The following LDAF1 variants were observed in gnomAD, a reference collection of about 807,000 sequenced individuals.
The protein encoded by LDAF1 is PROMETHIN.
A neutral mutation model predicts 13.5 loss-of-function variants in LDAF1; 7 were observed. That is an observed-to-expected ratio of 0.52 (90% CI 0.29 to 0.97). The LOEUF is 0.97. Ranked by LOEUF, LDAF1 falls within the 50% of genes least tolerant of loss-of-function variation. LDAF1 has a pLI of 0.07. For missense variants in LDAF1, 148 were observed against 193.2 expected (o/e 0.77, Z 1.39); for synonymous variants, 69 against 77.1 (o/e 0.89, Z 0.55).
intron 4 of LDAF1, among the ~76,000 whole-genome samples, chr16:21,176,462 G>A (rs1481640310): frequency 6.6e-6 from 1 of 152,110 alleles, no homozygotes; most frequent in African/African-American, 2.4e-5. Context: ...AGGCAACATG[G>A]CAAGACCACA....
chr16:21,167,665 T>C (rs907376626), intron 2 of LDAF1, among the ~76,000 whole-genome samples: 11 of 144,172 alleles, frequency 7.6e-5, no homozygotes, highest in African/African-American at 2.8e-4. Flanking sequence ...GTTGCAAGCA[T>C]TGGACATTCT....
rs570041987 is a variant in LDAF1 at position 21,160,653 on chromosome 16, A to G, written c.-98-432A>G. Among the ~76,000 whole-genome samples the G allele has an allele frequency of 3.9e-5, 6 of 152,370 alleles. No individual in the cohort carries two copies. In the South Asian group the frequency reaches 1.2e-3, roughly 32 times the overall value. ...TTTCAGCATTTTGTCAAGCTAAAAA[A>G]TAAACATAAGCTGTCAGAGATAATA... On this transcript the variant is annotated intron_variant, in intron 1 of 4. Transcript: ENST00000233047.
chr16:21,166,235 T>TA (rs990346774), intron 2 of LDAF1, among the ~76,000 whole-genome samples: 2 of 152,248 alleles, frequency 1.3e-5, no homozygotes, highest in Non-Finnish European at 2.9e-5. Flanking sequence ...ACAGGTAATA[T>TA]AAAAAAGTAT....
At chr16:21,165,481 T>G in intron 2 of LDAF1, 2 of 580,450 alleles carry the variant, frequency 3.4e-6, no homozygotes, top group Non-Finnish European at 4.3e-6. Context: ...CCTGTTTCCT[T>G]TTATATCCCT....
chr16:21,174,186 C>T (rs778195256), intron 4 of LDAF1, 38 bp downstream of exon 4: 2 of 1,577,192 alleles, frequency 1.3e-6, no homozygotes, highest in East Asian at 2.3e-5. Flanking sequence ...TTTTTTTAAT[C>T]TTTCTACTTT....
At chr16:21,169,944 G>A (rs1052108992) in intron 2 of LDAF1, among the ~76,000 whole-genome samples, 1 of 146,244 alleles carries the variant, frequency 6.8e-6, no homozygotes, top group South Asian at 2.2e-4. Flanking sequence ...ACGGAGTTTC[G>A]CTCTTGTTAT....
At chr16:21,166,983 G>A (rs1256897925) in intron 2 of LDAF1, 1 of 1,426,990 alleles carries the variant, frequency 7.0e-7, no homozygotes. Context: ...TTGTCAGAAT[G>A]GTGGGGTAGC....
At position 21,180,062 on chromosome 16, in the gene LDAF1, T is replaced by G. The variant is rs373993707; in HGVS notation, c.*506T>G. On this transcript the variant is annotated 3_prime_UTR_variant, in exon 5 of 5. Coordinates refer to ENST00000233047, the MANE Select transcript of LDAF1 (RefSeq NM_001301771.2). ...CATTTGGCCTCTCCAAGTTGGAAAA[T>G]AGAGTCCAAATGTAACTTTGTGGCC... is the stretch of plus-strand genomic sequence containing the variant. 5.2e-4 allele frequency: 82 copies of G among 156,464 alleles called. 3 individuals carry two copies. In the South Asian group the frequency reaches 0.016, roughly 30 times the overall value. The allele number at this position is 156,464 out of a possible 1,614,324, so 9.7% of individuals were successfully genotyped here.
At chr16:21,170,415 G>A in intron 2 of LDAF1, 22 bp from the exon 3 acceptor site, 1 of 1,613,256 alleles carries the variant, frequency 6.2e-7, no homozygotes, top group Non-Finnish European at 8.5e-7. Flanking sequence ...CTTATCCCTG[G>A]CTCTTTGTCC....
intron 1 of LDAF1, chr16:21,159,200 CAG>C (rs971627888): frequency 1.1e-6 from 1 of 950,830 alleles, no homozygotes; most frequent in Non-Finnish European, 1.7e-6. Flanking sequence ...CCCATCGCTG[CAG>C]AGAGATCTGC....
In LDAF1 at chr16:21,174,249, G is replaced by A. The variant is rs2093119079; in HGVS notation, c.404+101G>A. 7 of 1,136,694 alleles carry A rather than the reference G, an allele frequency of 6.2e-6. No individual in the cohort carries two copies. The South Asian group carries it at 1.2e-4, about 19-fold the overall frequency. 70.4% of individuals were successfully genotyped at this position (1,136,694 alleles called of 1,614,324 possible). A position where few individuals can be genotyped will look rare whatever the true frequency, so the allele number is the denominator to read the frequency against. ...CTGTCACTCAGGCTGGAGTGCAGTG[G>A]CATGAACATAGCTCGCTACAGCCTC... On this transcript the variant is annotated intron_variant, in intron 4 of 4. Transcript: ENST00000233047.
chr16:21,160,852 A>T (rs2092965345), intron 1 of LDAF1: 1 of 263,498 alleles, frequency 3.8e-6, no homozygotes, highest in African/African-American at 2.2e-5. Context: ...TGTTATAAAC[A>T]GGGATGCAAT....
At chr16:21,179,344 T>C (rs971206235) in intron 4 of LDAF1, 131 bp from the exon 5 acceptor site, 14 of 1,563,284 alleles carry the variant, frequency 9.0e-6, no homozygotes, top group Non-Finnish European at 1.0e-5. Flanking sequence ...ATAATGGACA[T>C]AGGCCTGGTG....
At chr16:21,176,513 C>G (rs551874496) in intron 4 of LDAF1, among the ~76,000 whole-genome samples, 2 of 152,014 alleles carry the variant, frequency 1.3e-5, no homozygotes, top group Non-Finnish European at 2.9e-5. Flanking sequence ...TGTGGTGGTG[C>G]GTGCCTGTAG....
chr16:21,169,304 CT>C (rs956413122), intron 2 of LDAF1: 78 of 274,060 alleles, frequency 2.8e-4, no homozygotes, highest in Non-Finnish European at 3.7e-4. Context: ...TCTGCATTTC[CT>C]TTTTTTTTCC....
At chr16:21,175,957 C>G (rs536646654) in intron 4 of LDAF1, among the ~76,000 whole-genome samples, 1 of 152,110 alleles carries the variant, frequency 6.6e-6, no homozygotes, top group Non-Finnish European at 1.5e-5. Flanking sequence ...GTTGCCCAGG[C>G]CATTCTCAAA....
intron 1 of LDAF1, chr16:21,159,339 C>T (rs377138172): frequency 8.7e-6 from 14 of 1,613,976 alleles, no homozygotes; most frequent in Non-Finnish European, 1.2e-5. Flanking sequence ...ATTTCACTCC[C>T]TTCCTCCTCT....
rs946657797 is a variant in LDAF1, at chr16:21,168,573, TATA to T, written c.97-1860_97-1858del. On this transcript the variant is annotated intron_variant, in intron 2 of 4. Coordinates refer to ENST00000233047, the MANE Select transcript of LDAF1 (RefSeq NM_001301771.2). ...TATTATAATTATATACATATATAAA[TATA>T]ATATATTTATATAATATATAATAAT... is the stretch of plus-strand genomic sequence containing the variant. 2.7e-3 allele frequency among the ~76,000 whole-genome samples: 386 copies of T among 143,930 alleles called. 2 individuals carry two copies. The highest frequency in any genetic ancestry group is 3.7e-3 in the Non-Finnish European group (245 of 66,442). 94.4% of individuals were successfully genotyped at this position (143,930 alleles called of 152,430 possible).
At chr16:21,167,957 G>A (rs1219786354) in intron 2 of LDAF1, among the ~76,000 whole-genome samples, 1 of 146,474 alleles carries the variant, frequency 6.8e-6, no homozygotes, top group African/African-American at 2.5e-5. Context: ...AGTGAGCCGA[G>A]ATCTTGCCAT....
Sources: allele counts gnomAD v4.1 joint callset (sites outside exome capture counted in the v4.1 genomes callset), GRCh38; gene constraint gnomAD v4.1.1; transcripts MANE v1.5; gene names NCBI Gene and HGNC (gene_info 2026-07-23, HGNC 2026-07-21).